The following ADCK1 variants were observed in gnomAD, a reference collection of about 807,000 sequenced individuals.
The protein encoded by ADCK1 is aarF domain-containing protein kinase 1.
ADCK1 carries 41 observed loss-of-function variants against 52.3 expected under a neutral mutation model. That is an observed-to-expected ratio of 0.78 (90% CI 0.61 to 1.02). ADCK1 has a LOEUF of 1.02. Ranked by LOEUF, ADCK1 falls within the 50% of genes least tolerant of loss-of-function variation. The pLI is 0.00. For synonymous variants in ADCK1, 250 were observed against 274.6 expected, an observed-to-expected ratio of 0.91 and a Z score of 0.89; for missense variants, 658 against 679.5, an observed-to-expected ratio of 0.97 and a Z score of 0.35.
At chr14:77,929,886 C>T (rs964792595) in intron 9 of ADCK1, among the ~76,000 whole-genome samples, 6 of 152,228 alleles carry the variant, frequency 3.9e-5, no homozygotes, top group African/African-American at 1.2e-4. Flanking sequence ...AGGCTGGTCT[C>T]GAACTCCTGA....
chr14:77,834,069 A>C (rs1403293181), intron 3 of ADCK1, among the ~76,000 whole-genome samples: 1 of 152,120 alleles, frequency 6.6e-6, no homozygotes, highest in African/African-American at 2.4e-5. Context: ...CCTGACTCCA[A>C]CTTTCTTCCT....
At chr14:77,878,930 C>CT (rs1035956111) in intron 4 of ADCK1, among the ~76,000 whole-genome samples, 4 of 150,626 alleles carry the variant, frequency 2.7e-5, no homozygotes, top group African/African-American at 7.3e-5. Flanking sequence ...CCCTTCCCCC[C>CT]CCACGAATGA....
At chr14:77,816,829 A>G (rs969827082) in intron 1 of ADCK1, among the ~76,000 whole-genome samples, 2 of 146,506 alleles carry the variant, frequency 1.4e-5, no homozygotes, top group African/African-American at 4.9e-5. Context: ...AGTCTTGGGG[A>G]CTGGGCCCTC....
chr14:77,888,093 C>T (rs1215399114), intron 5 of ADCK1, among the ~76,000 whole-genome samples: 3 of 152,074 alleles, frequency 2.0e-5, no homozygotes, highest in Admixed American at 6.6e-5. Context: ...TGGAGACAGG[C>T]GTGTAAACAG....
At chr14:77,837,804 T>C (rs1334950614) in intron 3 of ADCK1, among the ~76,000 whole-genome samples, 2 of 152,196 alleles carry the variant, frequency 1.3e-5, no homozygotes, top group Non-Finnish European at 2.9e-5. Context: ...CTGAAACCCT[T>C]TGGGCTGTTC....
chr14:77,931,761 C>T, intron 10 of ADCK1, 50 bp downstream of exon 10: 2 of 1,560,862 alleles, frequency 1.3e-6, no homozygotes, highest in Admixed American at 1.8e-5. Flanking sequence ...CTGGCCTGCC[C>T]CAGGGGTCCT....
chr14:77,801,872 C>T (rs1041016749), intron 1 of ADCK1, among the ~76,000 whole-genome samples: 6 of 151,936 alleles, frequency 3.9e-5, no homozygotes, highest in East Asian at 1.9e-4. Context: ...ACCCGGGAGA[C>T]GGAGGCTGCA....
chr14:77,813,939 T>A (rs1055174491), intron 1 of ADCK1, among the ~76,000 whole-genome samples: 1 of 152,056 alleles, frequency 6.6e-6, no homozygotes, highest in Non-Finnish European at 1.5e-5. Flanking sequence ...GGCTAACTTT[T>A]GTATTTTTAG....
intron 7 of ADCK1, among the ~76,000 whole-genome samples, chr14:77,917,562 A>G (rs2083953679): frequency 6.6e-6 from 1 of 152,180 alleles, no homozygotes; most frequent in Non-Finnish European, 1.5e-5. Context: ...TTTAAATATT[A>G]TTTACTAAAT....
At chr14:77,823,084 C>G (rs2081615971) in intron 3 of ADCK1, among the ~76,000 whole-genome samples, 1 of 152,206 alleles carries the variant, frequency 6.6e-6, no homozygotes, top group South Asian at 2.1e-4. Flanking sequence ...CTGAGTTGAG[C>G]TGTCAACCCC....
chr14:77,840,249 A>G (rs2082039217), intron 3 of ADCK1, among the ~76,000 whole-genome samples: 1 of 152,198 alleles, frequency 6.6e-6, no homozygotes, highest in Non-Finnish European at 1.5e-5. Flanking sequence ...TCTGGAGGTC[A>G]GAAGTCTGGA....
intron 3 of ADCK1, among the ~76,000 whole-genome samples, chr14:77,847,502 G>A (rs1458320216): frequency 2.0e-5 from 3 of 152,198 alleles, no homozygotes; most frequent in African/African-American, 7.2e-5. Flanking sequence ...CCCAGGAGGT[G>A]GAGGTTGCAG....
intron 3 of ADCK1, among the ~76,000 whole-genome samples, chr14:77,840,732 C>T (rs2082049034): frequency 6.6e-6 from 1 of 151,928 alleles, no homozygotes; most frequent in African/African-American, 2.4e-5. Flanking sequence ...CCTGAAGTCC[C>T]AACTACTTGG....
At chr14:77,915,562 AT>A (rs1232444583) in intron 7 of ADCK1, among the ~76,000 whole-genome samples, 1 of 152,268 alleles carries the variant, frequency 6.6e-6, no homozygotes, top group East Asian at 1.9e-4. Flanking sequence ...CATATACACC[AT>A]GGAATACTAT....
intron 5 of ADCK1, among the ~76,000 whole-genome samples, chr14:77,898,220 C>T (rs886084509): frequency 1.1e-4 from 17 of 152,194 alleles, no homozygotes; most frequent in Admixed American, 2.6e-4. Flanking sequence ...TGATTGATCA[C>T]GCCACTGCAT....
chr14:77,919,979 T>C (rs1459899259), intron 7 of ADCK1, among the ~76,000 whole-genome samples: 5 of 152,242 alleles, frequency 3.3e-5, no homozygotes, highest in Non-Finnish European at 4.4e-5. Context: ...AGATTCTGGA[T>C]ATTAGTCTTT....
At chr14:77,869,373 C>T (rs1262767248) in intron 4 of ADCK1, among the ~76,000 whole-genome samples, 1 of 152,000 alleles carries the variant, frequency 6.6e-6, no homozygotes, top group African/African-American at 2.4e-5. Flanking sequence ...TGCATCTCCC[C>T]AATCTCTGCC....
At chr14:77,829,821 G>A (rs1195598935) in intron 3 of ADCK1, among the ~76,000 whole-genome samples, 1 of 151,418 alleles carries the variant, frequency 6.6e-6, no homozygotes, top group Non-Finnish European at 1.5e-5. Flanking sequence ...AGGTGAGGTT[G>A]AATGAGTTAA....
In ADCK1 at chr14:77,899,136, T is replaced by G. The variant is rs755767716; in HGVS notation, c.619T>G (p.Phe207Val). 43 of 1,613,914 alleles carry G rather than the reference T, an allele frequency of 2.7e-5. No homozygotes were observed. The highest frequency in any genetic ancestry group is 3.6e-5 in the Non-Finnish European group (43 of 1,179,966). Residue 207 changes from phenylalanine (F) to valine (V), a missense_variant, in exon 6 of 11, where the codon TTT becomes GTT. Phe to Val is a conservative substitution (Grantham distance 50). Transcript: ENST00000238561. ...GGCTGTGAAGCAGCTGTTCCCAGAG[T>G]TTGAGTTTATGTGGCTTGTGGATGA... ...VLAVKQLFPE[F>V]EFMWLVDEAK...
Sources: allele counts gnomAD v4.1 joint callset (sites outside exome capture counted in the v4.1 genomes callset), GRCh38; gene constraint gnomAD v4.1.1; transcripts MANE v1.5; gene names NCBI Gene and HGNC (gene_info 2026-07-23, HGNC 2026-07-21).